PBX1: variants seen among roughly 807,000 people sequenced by gnomAD.
The protein encoded by PBX1 is PBX homeobox 1, also known as pre-B-cell leukemia transcription factor 1.
Under a neutral mutation model 53.4 loss-of-function variants are expected in PBX1, and 6 were observed. The observed-to-expected ratio is 0.11, with a 90% CI of 0.06 to 0.22. PBX1 has a LOEUF of 0.22. Ranked by LOEUF, PBX1 falls within the 10% of genes least tolerant of loss-of-function variation. The pLI is 1.00. For missense variants in PBX1, 251 were observed against 551.4 expected (o/e 0.46, Z 5.46); for synonymous variants, 204 against 212.3 (o/e 0.96, Z 0.34).
At chr1:164,623,348 G>A (rs1470172227) in intron 2 of PBX1, among the ~76,000 whole-genome samples, 3 of 152,222 alleles carry the variant, frequency 2.0e-5, no homozygotes, top group Non-Finnish European at 4.4e-5. Flanking sequence ...TGGAGAGGGC[G>A]TGGTGTGGGA....
intron 2 of PBX1, among the ~76,000 whole-genome samples, chr1:164,736,147 C>T (rs1044364592): frequency 1.3e-5 from 2 of 152,206 alleles, no homozygotes; most frequent in African/African-American, 2.4e-5. Context: ...CTTCCCACTG[C>T]AGCCCCTCTC....
At chr1:164,603,485 T>A (rs1443757955) in intron 2 of PBX1, among the ~76,000 whole-genome samples, 3 of 152,214 alleles carry the variant, frequency 2.0e-5, no homozygotes, top group African/African-American at 7.2e-5. Context: ...ATCTTCACTT[T>A]AAGCAACTCC....
chr1:164,570,517 G>A (rs1653770579), intron 2 of PBX1, among the ~76,000 whole-genome samples: 3 of 152,122 alleles, frequency 2.0e-5, no homozygotes, highest in Non-Finnish European at 2.9e-5. Flanking sequence ...CTTCATCCAT[G>A]TCCCTGCAAA....
intron 2 of PBX1, among the ~76,000 whole-genome samples, chr1:164,883,017 A>G (rs889220612): frequency 7.2e-5 from 11 of 152,238 alleles, no homozygotes; most frequent in Non-Finnish European, 1.3e-4. Context: ...GAGAAATTAC[A>G]AAGGTTAGTG....
intron 2 of PBX1, among the ~76,000 whole-genome samples, chr1:164,695,052 C>G (rs1662729142): frequency 6.6e-6 from 1 of 152,184 alleles, no homozygotes; most frequent in African/African-American, 2.4e-5. Context: ...AGTCCTGAAT[C>G]TCAAAACTGT....
chr1:164,588,373 A>G (rs78217915), intron 2 of PBX1, among the ~76,000 whole-genome samples: 11 of 97,540 alleles, frequency 1.1e-4, no homozygotes, highest in Non-Finnish European at 1.3e-4. Context: ...GGATTTGGGG[A>G]AAAAAAATCA....
At chr1:164,725,449 C>G (rs1330722977) in intron 2 of PBX1, among the ~76,000 whole-genome samples, 3 of 152,118 alleles carry the variant, frequency 2.0e-5, no homozygotes, top group Non-Finnish European at 2.9e-5. Flanking sequence ...TAACCATGTT[C>G]TGCACATCAG....
chr1:164,785,887 C>T (rs528091598), intron 2 of PBX1, among the ~76,000 whole-genome samples: 21 of 152,246 alleles, frequency 1.4e-4, no homozygotes, highest in African/African-American at 5.1e-4. Flanking sequence ...CCTTTGTCAC[C>T]GGTAATGTTG....
chr1:164,866,292 C>T (rs1371944386), intron 2 of PBX1, among the ~76,000 whole-genome samples: 1 of 152,220 alleles, frequency 6.6e-6, no homozygotes, highest in Non-Finnish European at 1.5e-5. Context: ...TGGATATCTT[C>T]ACGCTTGTAG....
intron 2 of PBX1, among the ~76,000 whole-genome samples, chr1:164,703,652 C>T (rs997843522): frequency 5.3e-5 from 8 of 152,190 alleles, no homozygotes; most frequent in Admixed American, 2.6e-4. Flanking sequence ...TCATAGCTAC[C>T]GCTTCCGTCA....
chr1:164,730,679 A>G (rs1194933093), intron 2 of PBX1, among the ~76,000 whole-genome samples: 4 of 152,184 alleles, frequency 2.6e-5, no homozygotes, highest in African/African-American at 9.7e-5. Flanking sequence ...CTGACAGGGC[A>G]ACCTCCAAGA....
Position 164,786,718 on chromosome 1 carries a change from T to TGCGCGCGCGC in PBX1, c.266-5775_266-5774insCGCGCGCGCG, listed in dbSNP as rs1553246252. ...GTGTGTGTGTGTGTGTGTGTGTGTG[T>TGCGCGCGCGC]GTGCGCGCGCACACACACACACGCA... On this transcript the variant is annotated intron_variant, in intron 2 of 8. Coordinates refer to ENST00000420696, the MANE Select transcript of PBX1 (RefSeq NM_002585.4). Among the ~76,000 whole-genome samples, 12 of 100,076 alleles carry TGCGCGCGCGC rather than the reference T, an allele frequency of 1.2e-4. No individual in the cohort carries two copies. In the East Asian group the frequency reaches 1.4e-3, roughly 12 times the overall value. 65.7% of individuals were successfully genotyped at this position (100,076 alleles called of 152,430 possible).
At chr1:164,663,314 C>T (rs1660623164) in intron 2 of PBX1, among the ~76,000 whole-genome samples, 1 of 152,024 alleles carries the variant, frequency 6.6e-6, no homozygotes, top group Non-Finnish European at 1.5e-5. Flanking sequence ...GCCTTCCTCT[C>T]TCTCTCTCTC....
intron 2 of PBX1, among the ~76,000 whole-genome samples, chr1:164,633,420 G>A (rs1422552406): frequency 1.3e-5 from 2 of 152,172 alleles, no homozygotes; most frequent in South Asian, 4.1e-4. Context: ...AAAGTGCTAG[G>A]ATTACAGGCG....
intron 4 of PBX1, among the ~76,000 whole-genome samples, chr1:164,802,611 A>C (rs1030648824): frequency 2.6e-5 from 4 of 152,228 alleles, no homozygotes; most frequent in African/African-American, 9.6e-5. Flanking sequence ...CTTACAGGGA[A>C]GGTGTGTACA....
At chr1:164,567,202 G>A (rs1160429158) in intron 2 of PBX1, among the ~76,000 whole-genome samples, 4 of 152,174 alleles carry the variant, frequency 2.6e-5, no homozygotes, top group African/African-American at 9.6e-5. Flanking sequence ...GTTTGCATAT[G>A]TAGGTGGAGG....
chr1:164,769,369 G>GTGTGACACAAGAGAAGACTTA (rs1667247215), intron 2 of PBX1: 1 of 152,198 alleles, frequency 6.6e-6, no homozygotes, highest in Admixed American at 6.5e-5. Context: ...GCAGGGTAAA[G>GTGTGACACAAGAGAAGACTTA]TGTGACACAA....
chr1:164,667,345 CAA>C, intron 2 of PBX1, among the ~76,000 whole-genome samples: 1 of 151,008 alleles, frequency 6.6e-6, no homozygotes, highest in African/African-American at 2.4e-5. Context: ...TATATACACA[CAA>C]ATATATAATA....
intron 2 of PBX1, among the ~76,000 whole-genome samples, chr1:164,598,395 A>C (rs555818862): frequency 9.1e-4 from 139 of 152,248 alleles, no homozygotes; most frequent in African/African-American, 3.2e-3. Context: ...GTCGAGACCA[A>C]GGCACACTGT....
Sources: gnomAD v4.1 joint callset for allele counts (sites outside exome capture counted in the v4.1 genomes callset) on GRCh38, gnomAD v4.1.1 for gene constraint, MANE v1.5 for transcripts, NCBI Gene and HGNC (gene_info 2026-07-23, HGNC 2026-07-21) for gene names.